NEGR1: variants seen among roughly 807,000 people sequenced by gnomAD.
NEGR1 encodes the protein neuronal growth regulator 1.
A neutral mutation model predicts 40.9 loss-of-function variants in NEGR1; 10 were observed. That is an observed-to-expected ratio of 0.24 (90% CI 0.15 to 0.42). The LOEUF is 0.42. Among genes scored for constraint, NEGR1 ranks in the 10% least tolerant of loss-of-function variants. The pLI is 1.00. For synonymous variants in NEGR1, 185 were observed against 166.8 expected (o/e 1.11, Z -0.84); for missense variants, 352 against 438.9 (o/e 0.80, Z 1.77).
intron 3 of NEGR1, among the ~76,000 whole-genome samples, chr1:71,719,007 G>A (rs373170882): frequency 6.6e-6 from 1 of 152,212 alleles, no homozygotes; most frequent in Non-Finnish European, 1.5e-5. Flanking sequence ...TGAAGCTGGA[G>A]CTGAGGAAAT....
At chr1:71,911,420 G>A (rs1661417689) in intron 2 of NEGR1, among the ~76,000 whole-genome samples, 1 of 152,078 alleles carries the variant, frequency 6.6e-6, no homozygotes, top group Non-Finnish European at 1.5e-5. Context: ...CAACTACTCT[G>A]CATTTTAATT....
intron 4 of NEGR1, among the ~76,000 whole-genome samples, chr1:71,616,093 C>T (rs1650437296): frequency 6.6e-6 from 1 of 152,106 alleles, no homozygotes; most frequent in African/African-American, 2.4e-5. Flanking sequence ...TGATAATGCC[C>T]AGAGGATTAC....
intron 4 of NEGR1, among the ~76,000 whole-genome samples, chr1:71,691,694 T>A (rs1421571154): frequency 6.6e-6 from 1 of 151,768 alleles, no homozygotes; most frequent in Non-Finnish European, 1.5e-5. Flanking sequence ...CTATGGAAAT[T>A]CACTAACTCT....
chr1:71,929,743 T>C (rs1013962895), intron 2 of NEGR1, among the ~76,000 whole-genome samples: 8 of 152,074 alleles, frequency 5.3e-5, no homozygotes, highest in South Asian at 4.1e-4. Context: ...TTTTTTTTTT[T>C]TTCTTCTTTT....
intron 1 of NEGR1, among the ~76,000 whole-genome samples, chr1:72,139,340 A>C (rs1450066530): frequency 6.6e-6 from 1 of 151,926 alleles, no homozygotes; most frequent in Admixed American, 6.6e-5. Flanking sequence ...GATAATAGAA[A>C]AAACAACAAA....
intron 1 of NEGR1, among the ~76,000 whole-genome samples, chr1:71,962,721 C>T (rs967865021): frequency 6.6e-6 from 1 of 151,002 alleles, no homozygotes; most frequent in Non-Finnish European, 1.5e-5. Context: ...TCAAAAAATA[C>T]ACTGTTCAAA....
chr1:72,121,753 A>G (rs1246679584), intron 1 of NEGR1, among the ~76,000 whole-genome samples: 1 of 152,050 alleles, frequency 6.6e-6, no homozygotes, highest in Non-Finnish European at 1.5e-5. Flanking sequence ...TACACACCAA[A>G]ATTCAATGTT....
rs933680318 is a variant in NEGR1, at chr1:72,111,907, T to C, written c.176+170412A>G. Among the ~76,000 whole-genome samples the C allele has an allele frequency of 2.6e-5, 4 of 151,802 alleles. No homozygotes were observed. In the East Asian group the frequency reaches 7.8e-4, roughly 30 times the overall value. On this transcript the variant is annotated intron_variant, in intron 1 of 6. Coordinates refer to ENST00000357731, the MANE Select transcript of NEGR1 (RefSeq NM_173808.3). ...CCTTGTCCTCCTACATAGGAGATAA[T>C]TAACAAGAAGGTAACAGATGTTTCC...
intron 1 of NEGR1, among the ~76,000 whole-genome samples, chr1:72,123,513 T>A (rs565397792): frequency 1.3e-5 from 2 of 151,794 alleles, no homozygotes; most frequent in Admixed American, 1.3e-4. Context: ...AACATTTGCC[T>A]TTATGGCAAA....
intron 2 of NEGR1, among the ~76,000 whole-genome samples, chr1:71,929,201 T>C (rs1389540926): frequency 6.6e-6 from 1 of 152,174 alleles, no homozygotes; most frequent in African/African-American, 2.4e-5. Flanking sequence ...TTGGGACACC[T>C]ACTCCTAGTT....
intron 2 of NEGR1, among the ~76,000 whole-genome samples, chr1:71,841,243 TAAC>T (rs1426304542): frequency 6.6e-6 from 1 of 152,110 alleles, no homozygotes. Flanking sequence ...TTCTGCATAA[TAAC>T]ATAATTTTCA....
chr1:71,651,288 G>A (rs544677224), intron 4 of NEGR1, among the ~76,000 whole-genome samples: 2 of 152,016 alleles, frequency 1.3e-5, no homozygotes, highest in African/African-American at 4.8e-5. Context: ...GCATTGATGG[G>A]GGGAAATGAC....
intron 1 of NEGR1, among the ~76,000 whole-genome samples, chr1:72,124,113 G>C (rs556932636): frequency 6.6e-6 from 1 of 152,026 alleles, no homozygotes. Flanking sequence ...CTGCTGGCTT[G>C]CTCATCTCTT....
At chr1:71,603,494 T>C (rs1197019590) in intron 5 of NEGR1, among the ~76,000 whole-genome samples, 1 of 152,214 alleles carries the variant, frequency 6.6e-6, no homozygotes, top group Non-Finnish European at 1.5e-5. Context: ...TTTATTATCA[T>C]ATGTAATCCG....
chr1:72,219,276 T>C (rs1474417334), intron 1 of NEGR1, among the ~76,000 whole-genome samples: 1 of 152,034 alleles, frequency 6.6e-6, no homozygotes, highest in African/African-American at 2.4e-5. Flanking sequence ...CTTGTTGCCA[T>C]CAATAATAAA....
At chr1:71,579,586 T>A (rs760917481) in intron 6 of NEGR1, among the ~76,000 whole-genome samples, 1 of 147,854 alleles carries the variant, frequency 6.8e-6, no homozygotes, top group African/African-American at 2.5e-5. Context: ...AAATACAAAA[T>A]AATACAACTA....
chr1:72,248,573 T>TA (rs1654978140), intron 1 of NEGR1, among the ~76,000 whole-genome samples: 1 of 121,624 alleles, frequency 8.2e-6, no homozygotes, highest in Non-Finnish European at 1.8e-5. Flanking sequence ...CTTCTATTTT[T>TA]ATTTATTATT....
chr1:71,950,399 A>C (rs2100271580), intron 1 of NEGR1, among the ~76,000 whole-genome samples: 1 of 152,172 alleles, frequency 6.6e-6, no homozygotes, highest in South Asian at 2.1e-4. Flanking sequence ...AAAAGAATGC[A>C]AATTGAGTGC....
At chr1:71,915,724 T>C in intron 2 of NEGR1, among the ~76,000 whole-genome samples, 1 of 152,196 alleles carries the variant, frequency 6.6e-6, no homozygotes, top group East Asian at 1.9e-4. Context: ...TGTATGCCTG[T>C]GTAATATCGT....
Sources: gnomAD v4.1 joint callset for allele counts (sites outside exome capture counted in the v4.1 genomes callset) on GRCh38, gnomAD v4.1.1 for gene constraint, MANE v1.5 for transcripts, NCBI Gene and HGNC (gene_info 2026-07-23, HGNC 2026-07-21) for gene names.